Variants in ABR observed in about 807,000 individuals in gnomAD.
The protein encoded by ABR is active breakpoint cluster region-related protein.
In ABR, 35 loss-of-function variants were observed where a neutral mutation model predicts 107.2. The ratio of observed to expected loss-of-function variants is 0.33; its 90% CI spans 0.25 to 0.43. The LOEUF is 0.43. Ranked by LOEUF, ABR falls within the 20% of genes least tolerant of loss-of-function variation. ABR has a pLI of 1.00. For missense variants in ABR, 815 were observed against 1,115.2 expected (o/e 0.73, Z 3.83); for synonymous variants, 498 against 462.0 (o/e 1.08, Z -1.00).
chr17:1,028,030 C>T (rs959228187), intron 16 of ABR, among the ~76,000 whole-genome samples: 2 of 152,044 alleles, frequency 1.3e-5, no homozygotes, highest in African/African-American at 2.4e-5. Flanking sequence ...GAATAAACGA[C>T]AGGCTCTGTG....
At chr17:1,121,278 C>T (rs564788790) in intron 2 of ABR, among the ~76,000 whole-genome samples, 2 of 152,366 alleles carry the variant, frequency 1.3e-5, no homozygotes, top group South Asian at 2.1e-4. Flanking sequence ...CCCGGCTTCA[C>T]CCGGGGCCAC....
intron 3 of ABR, among the ~76,000 whole-genome samples, chr17:1,098,368 C>T (rs951987809): frequency 2.6e-5 from 4 of 151,796 alleles, no homozygotes; most frequent in East Asian, 1.9e-4. Context: ...TGAGACACGG[C>T]GCCCGGCCAA....
intron 1 of ABR, among the ~76,000 whole-genome samples, chr17:1,227,270 A>G (rs34142626): frequency 0.39 from 58,732 of 151,876 alleles, 11,750 homozygotes; most frequent in Middle Eastern, 0.47. Context: ...AGCCTAGTGT[A>G]CTGGGCACCC....
At chr17:1,038,824 G>GCAT (rs1412761097) in intron 16 of ABR, among the ~76,000 whole-genome samples, 1 of 152,248 alleles carries the variant, frequency 6.6e-6, no homozygotes, top group Non-Finnish European at 1.5e-5. Flanking sequence ...CCCTTCTGTG[G>GCAT]CATCCTTCTC....
At chr17:1,217,048 A>C (rs1487031989) in intron 1 of ABR, among the ~76,000 whole-genome samples, 1 of 152,208 alleles carries the variant, frequency 6.6e-6, no homozygotes, top group Non-Finnish European at 1.5e-5. Context: ...ATGGAGGCTC[A>C]TTAGAGATGG....
intron 1 of ABR, among the ~76,000 whole-genome samples, chr17:1,207,022 G>T (rs7342875): frequency 0.88 from 133,662 of 151,968 alleles, 61,061 homozygotes; most frequent in East Asian, 1. Context: ...AGGTGGAGGT[G>T]GCAGTGAGCT....
intron 1 of ABR, among the ~76,000 whole-genome samples, chr17:1,204,761 T>C (rs762920638): frequency 6.6e-6 from 1 of 152,146 alleles, no homozygotes; most frequent in Admixed American, 6.6e-5. Flanking sequence ...GGCTGTATGT[T>C]AGTATTTAGG....
chr17:1,074,574 C>G (rs1027454669), intron 6 of ABR, among the ~76,000 whole-genome samples: 1 of 152,264 alleles, frequency 6.6e-6, no homozygotes, highest in Non-Finnish European at 1.5e-5. Context: ...CAGGCACAGC[C>G]AGCTGGGATT....
At chr17:1,040,767 A>G (rs1381470713) in intron 16 of ABR, among the ~76,000 whole-genome samples, 1 of 152,164 alleles carries the variant, frequency 6.6e-6, no homozygotes, top group African/African-American at 2.4e-5. Flanking sequence ...CAGTCCTCTT[A>G]CAGCCCATCT....
chr17:1,139,765 C>A (rs996773869), intron 1 of ABR, among the ~76,000 whole-genome samples: 2 of 152,168 alleles, frequency 1.3e-5, no homozygotes, highest in South Asian at 4.1e-4. Flanking sequence ...ACAACCTTTG[C>A]TCTTAAAATG....
chr17:1,164,635 G>C (rs116852851), intron 1 of ABR, among the ~76,000 whole-genome samples: 4 of 152,344 alleles, frequency 2.6e-5, no homozygotes, highest in Non-Finnish European at 5.9e-5. Context: ...CTAGCTTTCA[G>C]TCTACTATGT....
At chr17:1,173,059 CACCCAACA>C in intron 1 of ABR, among the ~76,000 whole-genome samples, 1 of 120,856 alleles carries the variant, frequency 8.3e-6, no homozygotes, top group Non-Finnish European at 1.8e-5. Flanking sequence ...CACCTCAGTC[CACCCAACA>C]CATCACCTCA....
chr17:1,209,567 T>C (rs1355056861), intron 1 of ABR, among the ~76,000 whole-genome samples: 1 of 151,652 alleles, frequency 6.6e-6, no homozygotes, highest in Non-Finnish European at 1.5e-5. Context: ...CAAAGTTTGC[T>C]TGAATGGTGC....
At chr17:1,122,345 G>A (rs34725971) in intron 2 of ABR, among the ~76,000 whole-genome samples, 10,155 of 152,274 alleles carry the variant, frequency 0.067, 451 homozygotes, top group Middle Eastern at 0.14. Context: ...ACATTAATCC[G>A]GACATATTTG....
At chr17:1,168,632 G>C (rs1289262722) in intron 1 of ABR, among the ~76,000 whole-genome samples, 1 of 152,212 alleles carries the variant, frequency 6.6e-6, no homozygotes, top group Non-Finnish European at 1.5e-5. Flanking sequence ...AGAGAAAATG[G>C]TCTAGCACAG....
intron 16 of ABR, among the ~76,000 whole-genome samples, chr17:1,021,169 G>C (rs1413891585): frequency 6.6e-6 from 1 of 152,202 alleles, no homozygotes; most frequent in Non-Finnish European, 1.5e-5. Flanking sequence ...GTGGAGGGGG[G>C]AGCAGAGGTC....
chr17:1,219,062 T>A (rs4246410), intron 1 of ABR, among the ~76,000 whole-genome samples: 98,536 of 143,772 alleles, frequency 0.69, 39,596 homozygotes, highest in East Asian at 0.87. Flanking sequence ...TGTTTGTTTG[T>A]AACAGAGTCT....
At chr17:1,112,756 T>G (rs2120231) in intron 2 of ABR, among the ~76,000 whole-genome samples, 66,718 of 151,852 alleles carry the variant, frequency 0.44, 15,538 homozygotes, top group South Asian at 0.52. Flanking sequence ...AGCTACTGTT[T>G]GAAATCTTTC....
intron 2 of ABR, among the ~76,000 whole-genome samples, chr17:1,119,842 A>G (rs1363437084): frequency 1.3e-5 from 2 of 152,222 alleles, no homozygotes; most frequent in Non-Finnish European, 2.9e-5. Context: ...AGTTTCAATA[A>G]CACGCTGCCC....
Sources: gnomAD v4.1 joint callset for allele counts (sites outside exome capture counted in the v4.1 genomes callset) on GRCh38, gnomAD v4.1.1 for gene constraint, MANE v1.5 for transcripts, NCBI Gene and HGNC (gene_info 2026-07-23, HGNC 2026-07-21) for gene names.